MYSM1: variants seen among roughly 807,000 people sequenced by gnomAD.
MYSM1 encodes the protein Myb like, SWIRM and MPN domains 1.
Under a neutral mutation model 116.0 loss-of-function variants are expected in MYSM1, and 51 were observed. The observed-to-expected ratio is 0.44, with a 90% confidence interval of 0.35 to 0.56. The LOEUF is 0.56. Ranked by LOEUF, MYSM1 falls within the 20% of genes least tolerant of loss-of-function variation. The pLI is 0.00. For synonymous variants in MYSM1, 313 were observed against 315.2 expected (o/e 0.99, Z 0.07); for missense variants, 900 against 974.9 (o/e 0.92, Z 1.02).
chr1:58,680,234 C>T (rs560611788), intron 8 of MYSM1, among the ~76,000 whole-genome samples: 6 of 152,128 alleles, frequency 3.9e-5, no homozygotes, highest in Non-Finnish European at 8.8e-5. Context: ...GAGTGATTTA[C>T]AGACACATGA....
intron 16 of MYSM1, 84 bp from the exon 17 acceptor site, chr1:58,665,715 T>C: frequency 3.2e-6 from 3 of 945,128 alleles, no homozygotes; most frequent in Non-Finnish European, 4.8e-6. Context: ...TTTAAACATC[T>C]AATGGGGAAA....
rs115688472 is a variant in MYSM1 at position 58,690,067 on chromosome 1, T to C, written c.320+159A>G. On this transcript the variant is annotated intron_variant, in intron 5 of 19. Coordinates refer to ENST00000472487, the MANE Select transcript of MYSM1 (RefSeq NM_001085487.3). Reference sequence around the variant, plus strand: ...GCAAGTAAATAACACCATAAAATTATACTTGTGCCACTCCAACATCTTTAT... The same window carrying C: ...GCAAGTAAATAACACCATAAAATTACACTTGTGCCACTCCAACATCTTTAT... The C allele has an allele frequency of 7.5e-3, 4,419 of 588,202 alleles. 24 individuals are homozygous for C. The highest frequency in any genetic ancestry group is 0.027 in the East Asian group (829 of 30,450). 36.4% of individuals were successfully genotyped at this position (588,202 alleles called of 1,614,324 possible). A position where few individuals can be genotyped will look rare whatever the true frequency, so the allele number is the denominator to read the frequency against.
At chr1:58,691,552 G>A (rs1195027006) in intron 3 of MYSM1, among the ~76,000 whole-genome samples, 1 of 152,002 alleles carries the variant, frequency 6.6e-6, no homozygotes, top group Non-Finnish European at 1.5e-5. Context: ...GCATGAACTA[G>A]GATGTACTCT....
intron 16 of MYSM1, 147 bp from the exon 17 acceptor site, chr1:58,665,778 C>T (rs1032838869): frequency 8.3e-6 from 5 of 605,202 alleles, no homozygotes; most frequent in African/African-American, 7.6e-5. Context: ...GGCACAGTGG[C>T]CCACGCCTGT....
At chr1:58,680,824 A>ATTT (rs11460082) in intron 8 of MYSM1, among the ~76,000 whole-genome samples, 2 of 145,826 alleles carry the variant, frequency 1.4e-5, no homozygotes, top group Non-Finnish European at 3.0e-5. Flanking sequence ...TTTAAAAATA[A>ATTT]TTTTTTTTTT....
chr1:58,698,102 A>ATTTTT (rs1553140002), intron 1 of MYSM1, among the ~76,000 whole-genome samples: 1 of 7,776 alleles, frequency 1.3e-4, no homozygotes, highest in African/African-American at 2.6e-4. Flanking sequence ...ATATATATAT[A>ATTTTT]TTTTTTTTTT....
rs1255080874 is a variant in MYSM1 at position 58,663,992 on chromosome 1, A to ATTATT, written c.2164+1502_2164+1506dup. On this transcript the variant is annotated intron_variant, in intron 17 of 19. Transcript: ENST00000472487. ...CTGCTAAATGTTGTGTTTAAATACC[A>ATTATT]TTATTTTACATATTTTGTCCAGTTT... 2.0e-5 allele frequency among the ~76,000 whole-genome samples: 3 copies of ATTATT among 152,288 alleles called. 1 individual carries two copies. The East Asian group carries it at 5.8e-4, about 29-fold the overall frequency.
chr1:58,666,576 CT>C (rs36057863), intron 16 of MYSM1, among the ~76,000 whole-genome samples: 1,838 of 131,570 alleles, frequency 0.014, 23 homozygotes, highest in African/African-American at 0.05. Flanking sequence ...TATTTTTTTT[CT>C]TTTTTTTTTT....
Position 58,666,461 on chromosome 1 carries a change from T to C in MYSM1, c.2031+577A>G, listed in dbSNP as rs552631356. ...TTACCAGTGATACATTCATGGCTTG[T>C]TTGTACTTAATAAAATAACTGACTT... is the stretch of plus-strand genomic sequence containing the variant. On this transcript the variant is annotated intron_variant, in intron 16 of 19. Transcript: ENST00000472487. Among the ~76,000 whole-genome samples, 12 of 152,308 alleles carry C rather than the reference T, an allele frequency of 7.9e-5. No homozygotes were observed. The East Asian group carries it at 2.3e-3, about 29-fold the overall frequency.
intron 8 of MYSM1, among the ~76,000 whole-genome samples, chr1:58,678,654 T>G (rs1569757475): frequency 6.6e-6 from 1 of 152,268 alleles, no homozygotes; most frequent in East Asian, 1.9e-4. Flanking sequence ...CAAATAAAAA[T>G]GTAATTATTT....
intron 10 of MYSM1, among the ~76,000 whole-genome samples, chr1:58,674,830 G>C (rs1302931117): frequency 6.6e-6 from 1 of 151,668 alleles, no homozygotes; most frequent in Non-Finnish European, 1.5e-5. Context: ...GGGAGGCTGA[G>C]GCATGAGAAT....
chr1:58,699,684 G>A (rs1458080609), intron 1 of MYSM1: 2 of 985,300 alleles, frequency 2.0e-6, no homozygotes, highest in Non-Finnish European at 2.4e-6. Context: ...TGAAAAGGAG[G>A]GAACGGAAGA....
At chr1:58,673,678 G>T (rs779634795) in intron 10 of MYSM1, 28 bp from the exon 11 acceptor site, 1 of 1,584,254 alleles carries the variant, frequency 6.3e-7, no homozygotes, top group Admixed American at 1.7e-5. Flanking sequence ...TAAAGCAAAA[G>T]GTAGCAAGAT....
chr1:58,686,793 G>T (rs1345485675), intron 6 of MYSM1, among the ~76,000 whole-genome samples: 2 of 152,032 alleles, frequency 1.3e-5, no homozygotes, highest in South Asian at 2.1e-4. Flanking sequence ...ATTAGTAGAA[G>T]AGTAGGGACT....
chr1:58,685,291 A>T, intron 6 of MYSM1, 40 bp from the exon 7 acceptor site: 2 of 1,454,676 alleles, frequency 1.4e-6, no homozygotes, highest in Admixed American at 2.0e-5. Flanking sequence ...CTTTTGATGA[A>T]TTTACTTAAG....
At chr1:58,672,744 A>G (rs1206315613) in intron 11 of MYSM1, among the ~76,000 whole-genome samples, 1 of 151,952 alleles carries the variant, frequency 6.6e-6, no homozygotes, top group African/African-American at 2.4e-5. Flanking sequence ...ATCAGATTAT[A>G]CCCCACATAC....
At chr1:58,678,216 G>C (rs1037468307) in intron 8 of MYSM1, among the ~76,000 whole-genome samples, 4 of 152,106 alleles carry the variant, frequency 2.6e-5, no homozygotes, top group Non-Finnish European at 5.9e-5. Flanking sequence ...GCAGAATAGA[G>C]GGTAAAAATA....
rs1393346655 is a variant in MYSM1, at chr1:58,656,546, GCCT to G, written c.*3448_*3450del. On this transcript the variant is annotated 3_prime_UTR_variant, in exon 20 of 20. Coordinates refer to ENST00000472487, the MANE Select transcript of MYSM1 (RefSeq NM_001085487.3). ...TATCTGAAGACTAAAACAAACCACT[GCCT>G]CCTATCTTTTTTGAGGATGAATGGT... 1 of 152,142 alleles carries G rather than the reference GCCT, an allele frequency of 6.6e-6. No individual in the cohort carries two copies. The highest frequency in any genetic ancestry group is 1.9e-4 in the East Asian group (1 of 5,190). 9.4% of individuals were successfully genotyped at this position (152,142 alleles called of 1,614,324 possible). A position where few individuals can be genotyped will look rare whatever the true frequency, so the allele number is the denominator to read the frequency against.
Position 58,656,592 on chromosome 1 carries a change from A to G in MYSM1, c.*3405T>C, listed in dbSNP as rs1370136006. 1 of 152,140 alleles carries G rather than the reference A, an allele frequency of 6.6e-6. No individual in the cohort carries two copies. 9.4% of individuals were successfully genotyped at this position (152,140 alleles called of 1,614,324 possible). On this transcript the variant is annotated 3_prime_UTR_variant, in exon 20 of 20. Transcript: ENST00000472487. ...TGAATGGTCCCAAGTAATCCTTGTGAGTTTTCGTTAGGTTGGGAAGGAAGT... is the reference window on the plus strand; with the variant it reads ...TGAATGGTCCCAAGTAATCCTTGTGGGTTTTCGTTAGGTTGGGAAGGAAGT...
Sources: gnomAD v4.1 joint callset for allele counts (sites outside exome capture counted in the v4.1 genomes callset) on GRCh38, gnomAD v4.1.1 for gene constraint, MANE v1.5 for transcripts, NCBI Gene and HGNC (gene_info 2026-07-23, HGNC 2026-07-21) for gene names.